CIMIP4: variants seen among roughly 807,000 people sequenced by gnomAD.
The protein encoded by CIMIP4 is ciliary microtubule inner protein 4.
At chr22:36,993,728 C>CA in the CIMIP4 span, among the ~76,000 whole-genome samples, 23 of 138,266 alleles carry the variant, frequency 1.7e-4, no homozygotes, top group Admixed American at 6.6e-4. Flanking sequence ...GACTCCATCT[C>CA]AAAAAAAAAG....
chr22:36,997,440 A>G, the CIMIP4 span, among the ~76,000 whole-genome samples: 1 of 152,170 alleles, frequency 6.6e-6, no homozygotes, highest in Non-Finnish European at 1.5e-5. Context: ...ATTCATTAGC[A>G]TATTCTTTTC....
At chr22:37,001,911 C>T in the CIMIP4 span, 11 of 1,613,344 alleles carry the variant, frequency 6.8e-6, 1 homozygote, top group South Asian at 1.2e-4. Context: ...ATGATGCTGC[C>T]CTTCTGGTTC....
the CIMIP4 span, among the ~76,000 whole-genome samples, chr22:37,004,468 T>C: frequency 6.6e-6 from 1 of 152,160 alleles, no homozygotes; most frequent in Non-Finnish European, 1.5e-5. Flanking sequence ...CTGGCAACCA[T>C]TTGTCTTCCT....
the CIMIP4 span, among the ~76,000 whole-genome samples, chr22:36,994,882 G>C: frequency 6.6e-6 from 1 of 151,878 alleles, no homozygotes; most frequent in East Asian, 1.9e-4. Flanking sequence ...CACCCGCCTC[G>C]GCCTCCCAAA....
At chr22:37,003,926 T>C in the CIMIP4 span, 1 of 1,525,550 alleles carries the variant, frequency 6.6e-7, no homozygotes. Flanking sequence ...TCCAGAAGCC[T>C]GGATGTGCAT....
At chr22:37,002,098 C>A in the CIMIP4 span, 2 of 1,580,126 alleles carry the variant, frequency 1.3e-6, no homozygotes, top group South Asian at 1.2e-5. Flanking sequence ...TGGCAGCAGT[C>A]GGGGGTGGAG....
At chr22:37,007,044 T>C in the CIMIP4 span, among the ~76,000 whole-genome samples, 1 of 152,102 alleles carries the variant, frequency 6.6e-6, no homozygotes, top group Non-Finnish European at 1.5e-5. Flanking sequence ...ATGGGTTCCT[T>C]CTCTGGTCGA....
At chr22:36,995,463 C>T in the CIMIP4 span, among the ~76,000 whole-genome samples, 2 of 152,186 alleles carry the variant, frequency 1.3e-5, no homozygotes, top group African/African-American at 2.4e-5. Flanking sequence ...GCAGAAAATA[C>T]ACAAAGGGCC....
chr22:36,999,976 C>T, the CIMIP4 span: 1 of 1,611,440 alleles, frequency 6.2e-7, no homozygotes, highest in African/African-American at 1.3e-5. Flanking sequence ...CATCAATAGC[C>T]TTTTGAGCCT....
At chr22:36,994,202 A>G in the CIMIP4 span, among the ~76,000 whole-genome samples, 10 of 152,338 alleles carry the variant, frequency 6.6e-5, no homozygotes, top group African/African-American at 2.4e-4. Context: ...ATATTTTAGT[A>G]ACTAATAGAT....
chr22:36,998,697 G>A, the CIMIP4 span, among the ~76,000 whole-genome samples: 4 of 152,126 alleles, frequency 2.6e-5, no homozygotes, highest in Non-Finnish European at 5.9e-5. Context: ...AAATCTGCCC[G>A]TGAAATGGAG....
At chr22:36,996,974 A>C in the CIMIP4 span, among the ~76,000 whole-genome samples, 1 of 152,200 alleles carries the variant, frequency 6.6e-6, no homozygotes, top group Non-Finnish European at 1.5e-5. Flanking sequence ...TAAAGAAGGA[A>C]TTGAAAATGA....
At chr22:37,003,852 G>A in the CIMIP4 span, 2 of 1,111,700 alleles carry the variant, frequency 1.8e-6, no homozygotes, top group South Asian at 1.8e-5. Context: ...TGGTGGGTCT[G>A]GAGGCCAACA....
chr22:36,999,747 C>A, the CIMIP4 span: 1 of 1,498,056 alleles, frequency 6.7e-7, no homozygotes, highest in Non-Finnish European at 9.0e-7. Context: ...GGGTCCTAGA[C>A]CCCATATGGA....
the CIMIP4 span, among the ~76,000 whole-genome samples, chr22:36,997,900 A>G: frequency 6.6e-6 from 1 of 152,200 alleles, no homozygotes; most frequent in Non-Finnish European, 1.5e-5. Context: ...ACAGAGAGGG[A>G]CAGATGGATG....
chr22:36,992,875 G>A, the CIMIP4 span, among the ~76,000 whole-genome samples: 1 of 151,124 alleles, frequency 6.6e-6, no homozygotes, highest in East Asian at 1.9e-4. Context: ...ACTTTGGGAG[G>A]CCGAGAATAT....
the CIMIP4 span, among the ~76,000 whole-genome samples, chr22:36,994,470 C>A: frequency 2.0e-5 from 3 of 151,912 alleles, no homozygotes; most frequent in African/African-American, 2.4e-5. Flanking sequence ...CCATTACAGG[C>A]GTGCGCCATC....
the CIMIP4 span, chr22:37,000,127 G>T: frequency 9.5e-7 from 1 of 1,049,934 alleles, no homozygotes; most frequent in Non-Finnish European, 1.3e-6. Context: ...TATTCACAGG[G>T]CTGGGGAGCT....
At chr22:37,003,976 GC>G in the CIMIP4 span, 1 of 1,550,020 alleles carries the variant, frequency 6.5e-7, no homozygotes, top group Non-Finnish European at 8.7e-7. Flanking sequence ...CTGCTCCGTG[GC>G]CCAGCTCCAT....
Sources: allele counts gnomAD v4.1 joint callset (sites outside exome capture counted in the v4.1 genomes callset), GRCh38; gene constraint gnomAD v4.1.1; transcripts MANE v1.5; gene names NCBI Gene and HGNC (gene_info 2026-07-23, HGNC 2026-07-21).